RPIA: variants seen among roughly 807,000 people sequenced by gnomAD.
The protein encoded by RPIA is ribose-5-phosphate isomerase.
RPIA carries 29 observed loss-of-function variants against 37.8 expected under a neutral mutation model. The observed-to-expected ratio is 0.77, with a 90% CI of 0.57 to 1.05. The LOEUF (loss-of-function observed/expected upper bound fraction) is 1.05. Ranked by LOEUF, RPIA falls within the 50% of genes least tolerant of loss-of-function variation. RPIA has a pLI of 0.00. For synonymous variants in RPIA, 167 were observed against 157.0 expected (o/e 1.06, Z -0.48); for missense variants, 385 against 413.6 (o/e 0.93, Z 0.60).
intron 2 of RPIA, among the ~76,000 whole-genome samples, chr2:88,699,452 A>G (rs1211766477): frequency 6.6e-6 from 1 of 152,090 alleles, no homozygotes; most frequent in African/African-American, 2.4e-5. Context: ...TCCAAATTGA[A>G]AAAATAAATC....
At chr2:88,725,940 C>G (rs1673191807) in intron 3 of RPIA, among the ~76,000 whole-genome samples, 1 of 152,170 alleles carries the variant, frequency 6.6e-6, no homozygotes, top group African/African-American at 2.4e-5. Flanking sequence ...TACAGGGGCC[C>G]AGACTTCAGT....
intron 8 of RPIA, among the ~76,000 whole-genome samples, chr2:88,739,066 A>ATGAGGCTGGAGTCCTGGT (rs1008543843): frequency 3.3e-5 from 5 of 152,176 alleles, no homozygotes; most frequent in Non-Finnish European, 7.4e-5. Flanking sequence ...GAGATGAGTT[A>ATGAGGCTGGAGTCCTGGT]TGAGGCTGGA....
intron 8 of RPIA, among the ~76,000 whole-genome samples, chr2:88,746,291 G>A (rs912649901): frequency 6.6e-5 from 10 of 152,094 alleles, no homozygotes; most frequent in Admixed American, 3.3e-4. Flanking sequence ...GTTTGGCTCC[G>A]TTACTGGAGA....
chr2:88,719,883 T>G (rs1384016299), intron 3 of RPIA, among the ~76,000 whole-genome samples: 1 of 152,202 alleles, frequency 6.6e-6, no homozygotes, highest in Non-Finnish European at 1.5e-5. Flanking sequence ...CATATGCTGG[T>G]CTTGCATCAG....
At position 88,698,089 on chromosome 2, in the gene RPIA, T is replaced by C. The variant is rs1672780374; in HGVS notation, c.286-395T>C. ...TTCTTCTTCTTTCTTTCTTTCTTTT[T>C]TTTTTTTTTTTAAACACACTGTTGC... On this transcript the variant is annotated intron_variant, in intron 1 of 8. Transcript: ENST00000283646. Among the ~76,000 whole-genome samples the C allele has an allele frequency of 2.6e-5, 4 of 151,780 alleles. 1 individual carries two copies. In the South Asian group the frequency reaches 8.3e-4, roughly 31 times the overall value.
chr2:88,699,972 G>C (rs779031889), intron 2 of RPIA, 37 bp from the exon 3 acceptor site: 1 of 1,606,312 alleles, frequency 6.2e-7, no homozygotes, highest in South Asian at 1.1e-5. Flanking sequence ...AAAGTAAGGA[G>C]AGTGAAAAAC....
At chr2:88,734,245 C>A (rs368727369) in intron 4 of RPIA, among the ~76,000 whole-genome samples, 1 of 151,974 alleles carries the variant, frequency 6.6e-6, no homozygotes, top group Admixed American at 6.6e-5. Context: ...GTGATAGCAC[C>A]CACACTGAGA....
At chr2:88,722,454 G>C (rs1477549611) in intron 3 of RPIA, among the ~76,000 whole-genome samples, 3 of 150,960 alleles carry the variant, frequency 2.0e-5, no homozygotes, top group African/African-American at 7.4e-5. Context: ...TGAAAAGTTT[G>C]ATAGTCATTA....
intron 7 of RPIA, among the ~76,000 whole-genome samples, chr2:88,737,763 CCTCT>C (rs200508688): frequency 2.0e-5 from 3 of 150,310 alleles, no homozygotes; most frequent in African/African-American, 4.9e-5. Context: ...AGGCTTGTAT[CCTCT>C]CTCTCTCTCT....
Position 88,750,808 on chromosome 2 carries a change from A to G in RPIA, c.*730A>G, listed in dbSNP as rs1037909851. 1.8e-5 allele frequency: 7 copies of G among 398,288 alleles called. No individual in the cohort carries two copies. 24.7% of individuals were successfully genotyped at this position (398,288 alleles called of 1,614,324 possible). A position where few individuals can be genotyped will look rare whatever the true frequency, so the allele number is the denominator to read the frequency against. On this transcript the variant is annotated 3_prime_UTR_variant, in exon 9 of 9. Transcript: ENST00000283646. ...GAAGTACTTTGTTTTTTTATTTTTA[A>G]TGATTTTCTTTTTGTTATTAATATT...
intron 3 of RPIA, among the ~76,000 whole-genome samples, chr2:88,700,645 C>A (rs1010885273): frequency 6.6e-6 from 1 of 151,952 alleles, no homozygotes; most frequent in African/African-American, 2.4e-5. Flanking sequence ...CAGAGTGAGA[C>A]CCTGTCTCAA....
chr2:88,749,837 T>C (rs1673481749), intron 8 of RPIA, 144 bp from the exon 9 acceptor site: 3 of 639,532 alleles, frequency 4.7e-6, no homozygotes, highest in Non-Finnish European at 8.7e-6. Flanking sequence ...TCTCTTTTCA[T>C]TGCTCTGTGG....
intron 3 of RPIA, among the ~76,000 whole-genome samples, chr2:88,714,517 A>G (rs551027833): frequency 2.6e-5 from 4 of 152,318 alleles, no homozygotes; most frequent in Admixed American, 6.5e-5. Flanking sequence ...ATGGTCAGCC[A>G]GCTCTCAAGA....
intron 5 of RPIA, among the ~76,000 whole-genome samples, chr2:88,734,834 C>T (rs1673296063): frequency 6.6e-6 from 1 of 152,158 alleles, no homozygotes; most frequent in Non-Finnish European, 1.5e-5. Context: ...TGAGATCATT[C>T]ATCGTAATGG....
At chr2:88,725,216 A>G (rs1673180566) in intron 3 of RPIA, among the ~76,000 whole-genome samples, 1 of 152,198 alleles carries the variant, frequency 6.6e-6, no homozygotes, top group Non-Finnish European at 1.5e-5. Flanking sequence ...TGCAGATCTC[A>G]GTGGAGCACC....
At chr2:88,721,207 G>A (rs1303609191) in intron 3 of RPIA, among the ~76,000 whole-genome samples, 2 of 151,980 alleles carry the variant, frequency 1.3e-5, no homozygotes. Context: ...ACACACTGGG[G>A]CCTGTCAGGG....
chr2:88,714,687 A>G (rs1022703107), intron 3 of RPIA, among the ~76,000 whole-genome samples: 1 of 152,212 alleles, frequency 6.6e-6, no homozygotes, highest in African/African-American at 2.4e-5. Flanking sequence ...GGTAAAGAGG[A>G]CTAGAAGATG....
chr2:88,702,409 GT>G (rs1435476369), intron 3 of RPIA, among the ~76,000 whole-genome samples: 2 of 152,184 alleles, frequency 1.3e-5, no homozygotes, highest in African/African-American at 4.8e-5. Context: ...AAAGAATGAG[GT>G]TTAATTGGAC....
At chr2:88,705,459 A>G (rs568927771) in intron 3 of RPIA, among the ~76,000 whole-genome samples, 15 of 152,234 alleles carry the variant, frequency 9.9e-5, no homozygotes, top group African/African-American at 3.6e-4. Context: ...GCGATGGGGA[A>G]AGGAATCCCT....
Sources: gnomAD v4.1 joint callset for allele counts (sites outside exome capture counted in the v4.1 genomes callset) on GRCh38, gnomAD v4.1.1 for gene constraint, MANE v1.5 for transcripts, NCBI Gene and HGNC (gene_info 2026-07-23, HGNC 2026-07-21) for gene names.